The following CSPP1 variants were observed in gnomAD, a reference collection of about 807,000 sequenced individuals.
The protein encoded by CSPP1 is centrosome and spindle pole-associated protein 1.
Under a neutral mutation model 164.4 loss-of-function variants are expected in CSPP1, and 126 were observed. The ratio of observed to expected loss-of-function variants is 0.77; its 90% CI spans 0.66 to 0.89. CSPP1 has a LOEUF of 0.89. Among genes scored for constraint, CSPP1 ranks in the 40% least tolerant of loss-of-function variants. The pLI is 0.00. For missense variants in CSPP1, 1,395 were observed against 1,449.8 expected, an observed-to-expected ratio of 0.96 and a Z score of 0.61; for synonymous variants, 472 against 476.7, an observed-to-expected ratio of 0.99 and a Z score of 0.13.
At chr8:67,191,582 G>C (rs1011772713) in intron 29 of CSPP1, among the ~76,000 whole-genome samples, 16 of 152,170 alleles carry the variant, frequency 1.1e-4, no homozygotes, top group African/African-American at 3.4e-4. Flanking sequence ...GGTCATTCAT[G>C]TTGTAGCATG....
intron 9 of CSPP1, among the ~76,000 whole-genome samples, chr8:67,107,803 G>C (rs534383918): frequency 3.3e-5 from 5 of 152,258 alleles, no homozygotes; most frequent in African/African-American, 9.6e-5. Flanking sequence ...AATAGGAAAT[G>C]TATTGTGGGG....
intron 19 of CSPP1, among the ~76,000 whole-genome samples, chr8:67,155,006 C>T (rs56102654): frequency 0.035 from 5,285 of 152,186 alleles, 289 homozygotes; most frequent in African/African-American, 0.12. Flanking sequence ...CAATTATTTG[C>T]CCCATTTATG....
intron 21 of CSPP1, among the ~76,000 whole-genome samples, chr8:67,159,958 TTTC>T (rs1827827397): frequency 8.9e-5 from 1 of 11,260 alleles, no homozygotes; most frequent in Non-Finnish European, 1.5e-4. Context: ...TCCTTCCTTC[TTTC>T]TTTTCTTTTC....
chr8:67,138,095 C>T (rs1822719639), intron 17 of CSPP1, among the ~76,000 whole-genome samples: 1 of 152,152 alleles, frequency 6.6e-6, no homozygotes, highest in East Asian at 1.9e-4. Flanking sequence ...AACTTTCTAG[C>T]AAGTTTCATA....
intron 9 of CSPP1, among the ~76,000 whole-genome samples, chr8:67,106,198 A>T (rs772294040): frequency 2.0e-5 from 3 of 151,990 alleles, no homozygotes; most frequent in Non-Finnish European, 4.4e-5. Context: ...ATTTTTACTC[A>T]TGATGTTCAT....
chr8:67,186,859 C>T (rs1322371546), intron 28 of CSPP1, among the ~76,000 whole-genome samples: 1 of 152,148 alleles, frequency 6.6e-6, no homozygotes, highest in Non-Finnish European at 1.5e-5. Flanking sequence ...AAGTCAGTCA[C>T]TTTACAATAT....
At chr8:67,142,201 G>T (rs1157209715) in intron 17 of CSPP1, among the ~76,000 whole-genome samples, 1 of 151,720 alleles carries the variant, frequency 6.6e-6, no homozygotes, top group Non-Finnish European at 1.5e-5. Flanking sequence ...CTTTATTCAG[G>T]TTTTTATTTG....
intron 26 of CSPP1, 115 bp downstream of exon 26, chr8:67,175,551 A>G: frequency 2.4e-6 from 3 of 1,246,310 alleles, no homozygotes; most frequent in Non-Finnish European, 3.5e-6. Context: ...TGGCAGCCCC[A>G]TGCTCACAGG....
chr8:67,177,600 A>C, intron 26 of CSPP1, 80 bp from the exon 27 acceptor site: 1 of 897,658 alleles, frequency 1.1e-6, no homozygotes. Flanking sequence ...GAGCTAGTCA[A>C]AAAAGATATT....
At chr8:67,123,927 A>G (rs1364812960) in intron 15 of CSPP1, among the ~76,000 whole-genome samples, 2 of 140,396 alleles carry the variant, frequency 1.4e-5, no homozygotes, top group Non-Finnish European at 3.1e-5. Context: ...TTTAAGACGC[A>G]GTCTCGCTGT....
intron 7 of CSPP1, among the ~76,000 whole-genome samples, chr8:67,102,067 CATT>C (rs919239018): frequency 2.0e-5 from 3 of 152,054 alleles, no homozygotes; most frequent in African/African-American, 7.2e-5. Context: ...AACATTTTTT[CATT>C]ATTATTTTCC....
At chr8:67,193,018 A>G (rs756917400) in intron 29 of CSPP1, among the ~76,000 whole-genome samples, 1 of 152,200 alleles carries the variant, frequency 6.6e-6, no homozygotes, top group Non-Finnish European at 1.5e-5. Flanking sequence ...CTGAGCTTGC[A>G]TGGATAAGCA....
chr8:67,189,961 G>A (rs1382741515), intron 28 of CSPP1, among the ~76,000 whole-genome samples: 1 of 152,180 alleles, frequency 6.6e-6, no homozygotes, highest in Non-Finnish European at 1.5e-5. Context: ...AATACCAAGT[G>A]TTGGTGAGGA....
intron 9 of CSPP1, among the ~76,000 whole-genome samples, chr8:67,107,367 G>A (rs1208419228): frequency 6.6e-6 from 1 of 152,044 alleles, no homozygotes; most frequent in African/African-American, 2.4e-5. Flanking sequence ...TATAAAACAT[G>A]GTAAAATAAG....
chr8:67,123,164 G>A (rs1041658724), intron 15 of CSPP1: 7 of 152,228 alleles, frequency 4.6e-5, no homozygotes, highest in Admixed American at 3.9e-4. Flanking sequence ...CCCAAAGTAC[G>A]AGGAATATAG....
At chr8:67,189,761 T>C (rs992573576) in intron 28 of CSPP1, among the ~76,000 whole-genome samples, 4 of 152,032 alleles carry the variant, frequency 2.6e-5, no homozygotes, top group Non-Finnish European at 5.9e-5. Flanking sequence ...AATAACATCA[T>C]CCCCCCAAAT....
intron 1 of CSPP1, among the ~76,000 whole-genome samples, chr8:67,066,242 T>C (rs1185188654): frequency 6.6e-6 from 1 of 152,170 alleles, no homozygotes; most frequent in Non-Finnish European, 1.5e-5. Context: ...ATCTTAGCAA[T>C]ATTTAGGGAA....
chr8:67,082,691 A>G (rs1399289655), intron 3 of CSPP1, among the ~76,000 whole-genome samples: 3 of 152,238 alleles, frequency 2.0e-5, no homozygotes, highest in Non-Finnish European at 4.4e-5. Context: ...TAGAAGGTAA[A>G]TTAATTATGA....
At chr8:67,178,965 A>G (rs1226586995) in intron 27 of CSPP1, among the ~76,000 whole-genome samples, 1 of 152,220 alleles carries the variant, frequency 6.6e-6, no homozygotes, top group Non-Finnish European at 1.5e-5. Context: ...TGAGTGGGAC[A>G]GGAGGCTATT....
Sources: gnomAD v4.1 joint callset for allele counts (sites outside exome capture counted in the v4.1 genomes callset) on GRCh38, gnomAD v4.1.1 for gene constraint, MANE v1.5 for transcripts, NCBI Gene and HGNC (gene_info 2026-07-23, HGNC 2026-07-21) for gene names.